The following PRRC2B variants were observed in gnomAD, a reference collection of about 807,000 sequenced individuals.
PRRC2B encodes proline rich coiled-coil 2B, also known as protein PRRC2B.
In PRRC2B, 68 loss-of-function variants were observed where a neutral mutation model predicts 242.3. That is an observed-to-expected ratio of 0.28 (90% CI 0.23 to 0.34). The LOEUF is 0.34. Among genes scored for constraint, PRRC2B ranks in the 10% least tolerant of loss-of-function variants. The probability of loss-of-function intolerance (pLI) is 1.00; values close to 1 mark genes in which losing one functional copy is unlikely to be tolerated. For synonymous variants in PRRC2B, 1,228 were observed against 1,173.6 expected, an observed-to-expected ratio of 1.05 and a Z score of -0.95; for missense variants, 2,835 against 2,954.8, an observed-to-expected ratio of 0.96 and a Z score of 0.94.
chr9:131,470,107 C>T (rs914096968), intron 13 of PRRC2B, among the ~76,000 whole-genome samples: 4 of 152,084 alleles, frequency 2.6e-5, no homozygotes, highest in African/African-American at 9.7e-5. Context: ...GTTCCCGTGG[C>T]CTGAAGTGCG....
intron 1 of PRRC2B, among the ~76,000 whole-genome samples, chr9:131,377,278 C>T (rs1037007441): frequency 6.6e-6 from 1 of 152,164 alleles, no homozygotes; most frequent in African/African-American, 2.4e-5. Context: ...CCATGCCCAG[C>T]TAATTTTTGT....
intron 9 of PRRC2B, among the ~76,000 whole-genome samples, 183 bp from the exon 10 acceptor site, chr9:131,454,893 C>T (rs903888315): frequency 1.3e-5 from 2 of 149,172 alleles, no homozygotes; most frequent in Non-Finnish European, 2.9e-5. Flanking sequence ...CTCAGCCTCG[C>T]AAAGTACTGG....
chr9:131,475,593 A>G lies in PRRC2B; in HGVS notation c.3464A>G (p.Asn1155Ser). 2 of 1,612,858 alleles carry G rather than the reference A, an allele frequency of 1.2e-6. No homozygotes were observed. Among genetic ancestry groups the G allele is most frequent in the Non-Finnish European group, 1.7e-6 (2 of 1,179,796 alleles). Residue 1155 changes from asparagine (N) to serine (S), a missense_variant, in exon 16 of 32, where the codon AAC becomes AGC. Physicochemically the swap from Asn to Ser is conservative, Grantham distance 46. Around this residue, in one of 7 missense-constraint regions of PRRC2B, gnomAD observed 1,536 missense variants for 1,483.1 expected, o/e 1.04. Coordinates refer to ENST00000683519, the MANE Select transcript of PRRC2B (RefSeq NM_013318.4). ...CGCCGCCGGCAGAGGGGCTCCGAGA[A>G]CGGGAATGAAGGCTCGCTCCTGGAG... The part of the protein sequence containing the change: ...PKRRRQRGSE[N>S]GNEGSLLERE...
Position 131,476,162 on chromosome 9 carries a change from C to T in PRRC2B, c.4033C>T (p.Leu1345=). 6.2e-7 allele frequency: 1 copy of T among 1,613,230 alleles called. No individual in the cohort carries two copies. Among genetic ancestry groups the T allele is most frequent in the East Asian group, 2.2e-5 (1 of 44,880 alleles). The change falls in exon 16 of 32, where the codon CTG becomes TTG. Residue 1345 remains leucine, a synonymous_variant. Coordinates refer to ENST00000683519, the MANE Select transcript of PRRC2B (RefSeq NM_013318.4). ...AGGTCAGTGGCCAGGCAGGCCCAAA[C>T]TGTGTTCTGGGGACAAGAGTGGCAC... is the stretch of plus-strand genomic sequence containing the variant. ...LAGQWPGRPK[L]CSGDKSGTVG...
At chr9:131,436,966 C>G (rs1330999828) in intron 4 of PRRC2B, among the ~76,000 whole-genome samples, 1 of 152,124 alleles carries the variant, frequency 6.6e-6, no homozygotes, top group Non-Finnish European at 1.5e-5. Flanking sequence ...ATACAGGCAC[C>G]TACTTTGGTT....
chr9:131,476,613 G>A (rs548608169), intron 16 of PRRC2B, 78 bp downstream of exon 16: 6 of 1,346,944 alleles, frequency 4.5e-6, no homozygotes, highest in Admixed American at 5.1e-5. Flanking sequence ...CATGCATGCC[G>A]ATGCCGCCGT....
At chr9:131,388,163 G>A (rs1836849323) in intron 1 of PRRC2B, among the ~76,000 whole-genome samples, 2 of 148,072 alleles carry the variant, frequency 1.4e-5, no homozygotes, top group Non-Finnish European at 3.0e-5. Context: ...ACTCCAGCCT[G>A]GGCAACAGAG....
chr9:131,406,784 A>T (rs1472925153), intron 1 of PRRC2B, among the ~76,000 whole-genome samples: 1 of 152,212 alleles, frequency 6.6e-6, no homozygotes, highest in East Asian at 1.9e-4. Flanking sequence ...TGTAACAGTT[A>T]CAATACAGGC....
intron 9 of PRRC2B, among the ~76,000 whole-genome samples, chr9:131,451,334 G>A (rs1942912245): frequency 6.6e-6 from 1 of 152,178 alleles, no homozygotes; most frequent in African/African-American, 2.4e-5. Context: ...GGGAGGCGGA[G>A]GTTGCAATGA....
intron 14 of PRRC2B, among the ~76,000 whole-genome samples, chr9:131,472,599 C>T (rs544217082): frequency 6.6e-6 from 1 of 151,796 alleles, no homozygotes; most frequent in Non-Finnish European, 1.5e-5. Flanking sequence ...GCCTCAGCCT[C>T]CTGAGTAGCT....
rs558447856 is a variant in PRRC2B, at chr9:131,484,048, A to G, written c.5460+603A>G. Among the ~76,000 whole-genome samples the G allele has an allele frequency of 3.0e-4, 45 of 152,294 alleles. No individual in the cohort carries two copies. In the South Asian group the frequency reaches 8.9e-3, roughly 30 times the overall value. On this transcript the variant is annotated intron_variant, in intron 23 of 31. Coordinates refer to ENST00000683519, the MANE Select transcript of PRRC2B (RefSeq NM_013318.4). ...GGAATGTGAGTGCTGTACAATATTC[A>G]TAGGTGTTGAATGAAAACAATGTTT...
In PRRC2B at chr9:131,487,887, C is replaced by G; in HGVS notation, c.6016C>G (p.Pro2006Ala). Residue 2006 changes from proline to alanine, a missense_variant, in exon 28 of 32, where the codon CCG (proline) becomes GCG (alanine). Pro to Ala is a conservative substitution (Grantham distance 27). Transcript: ENST00000683519. The surrounding 1 kb of genome is among the most constrained non-coding windows in gnomAD (Gnocchi z 5.3). ...SQVYMHPSLS[P>A]PSTMILSGGT... Reference sequence around the variant, plus strand: ...GGTGTACATGCACCCCAGCCTGTCACCGCCCAGCACCATGATCCTCTCTGG... The same window carrying G: ...GGTGTACATGCACCCCAGCCTGTCAGCGCCCAGCACCATGATCCTCTCTGG... 6.2e-7 allele frequency: 1 copy of G among 1,612,552 alleles called. No homozygotes were observed. The highest frequency in any genetic ancestry group is 8.5e-7 in the Non-Finnish European group (1 of 1,178,700).
At chr9:131,471,748 A>G (rs1205155109) in intron 14 of PRRC2B, among the ~76,000 whole-genome samples, 1 of 152,184 alleles carries the variant, frequency 6.6e-6, no homozygotes, top group Admixed American at 6.5e-5. Flanking sequence ...AGGTTGCTTG[A>G]CATTTGTTGG....
intron 1 of PRRC2B, among the ~76,000 whole-genome samples, chr9:131,415,742 GGAACTTTTTTGCAAGAGGGAT>G (rs1288416043): frequency 9.2e-5 from 14 of 151,986 alleles, no homozygotes; most frequent in Non-Finnish European, 1.5e-4. Context: ...TTCCTCCCTG[GGAACTTTTTTGCAAGAGGGAT>G]GACTTTTAGA....
At chr9:131,485,389 G>A (rs1943990649) in intron 25 of PRRC2B, among the ~76,000 whole-genome samples, 1 of 152,230 alleles carries the variant, frequency 6.6e-6, no homozygotes, top group Admixed American at 6.5e-5. Context: ...ACAGGAGCGA[G>A]CAAAGGCTTG....
At position 131,446,596 on chromosome 9, in the gene PRRC2B, G is replaced by C. The variant is rs781552490; in HGVS notation, c.809G>C (p.Gly270Ala). ...CGAAAAGGGGCTTCACAGTTCATGG[G>C]AAATGTATACCACCCACCTACATAC... is the stretch of plus-strand genomic sequence containing the variant. Reference protein sequence around the residue: ...PVRKGASQFMGNVYHPPTYHD... With the variant: ...PVRKGASQFMANVYHPPTYHD... Residue 270 changes from glycine to alanine, a missense_variant, in exon 7 of 32, where the codon GGA becomes GCA. Physicochemically the swap from Gly to Ala is moderately conservative, Grantham distance 60. Around this residue, in one of 7 missense-constraint regions of PRRC2B, gnomAD observed 626 missense variants for 685.5 expected, o/e 0.91. Transcript: ENST00000683519. This position sits in a 1 kb window ranked among gnomAD's most constrained non-coding sequence, Gnocchi z 4.1. 5 of 1,613,984 alleles carry C rather than the reference G, an allele frequency of 3.1e-6. No homozygotes were observed. Among genetic ancestry groups the C allele is most frequent in the Non-Finnish European group, 4.2e-6 (5 of 1,179,882 alleles).
chr9:131,420,013 A>AC (rs1265138051), intron 1 of PRRC2B, among the ~76,000 whole-genome samples: 1 of 150,246 alleles, frequency 6.7e-6, no homozygotes, highest in African/African-American at 2.5e-5. Flanking sequence ...GTGCTGGAGA[A>AC]CCCCCCAGTT....
chr9:131,398,926 C>T (rs563727560), intron 1 of PRRC2B, among the ~76,000 whole-genome samples: 69 of 152,164 alleles, frequency 4.5e-4, no homozygotes, highest in Non-Finnish European at 9.3e-4. Flanking sequence ...TGCAGTGAGC[C>T]GTGATCATGC....
chr9:131,495,984 C>A lies in PRRC2B; in HGVS notation c.*110C>A. ...CCAGATCCACCGTCCAAATGCGTGG[C>A]CCAGACTGAGAGACCTCCCTCCTCT... On this transcript the variant is annotated 3_prime_UTR_variant, in exon 32 of 32. Transcript: ENST00000683519. 1 of 1,447,338 alleles carries A rather than the reference C, an allele frequency of 6.9e-7. No individual in the cohort carries two copies. The highest frequency in any genetic ancestry group is 1.3e-5 in the South Asian group (1 of 77,452). The allele number at this position is 1,447,338 out of a possible 1,614,324, so 89.7% of individuals were successfully genotyped here.
Sources: gnomAD v4.1 joint callset for allele counts (sites outside exome capture counted in the v4.1 genomes callset) on GRCh38, gnomAD v4.1.1 for gene constraint, gnomAD v4.1.1 regional missense constraint, Gnocchi (gnomAD v3.1) non-coding constraint, MANE v1.5 for transcripts, NCBI Gene and HGNC (gene_info 2026-07-23, HGNC 2026-07-21) for gene names.